Variants in EFHC1 observed in about 807,000 individuals in gnomAD.
EFHC1 encodes EF-hand domain-containing protein 1.
In EFHC1, 53 loss-of-function variants were observed where a neutral mutation model predicts 69.9. That is an observed-to-expected ratio of 0.76 (90% CI 0.61 to 0.95). EFHC1 has a LOEUF of 0.95. Ranked by LOEUF, EFHC1 falls within the 40% of genes least tolerant of loss-of-function variation. EFHC1 has a pLI of 0.00. For synonymous variants in EFHC1, 256 were observed against 278.4 expected (o/e 0.92, Z 0.80); for missense variants, 739 against 798.7 (o/e 0.93, Z 0.90).
intron 6 of EFHC1, among the ~76,000 whole-genome samples, chr6:52,466,824 G>C (rs1225420488): frequency 6.6e-6 from 1 of 152,184 alleles, no homozygotes; most frequent in East Asian, 1.9e-4. Context: ...TGAGTTCCCA[G>C]AGGCAATACA....
At position 52,497,097 on chromosome 6, in the gene EFHC1, C is replaced by T. The variant is rs921912105; in HGVS notation, c.*4756C>T. On this transcript the variant is annotated 3_prime_UTR_variant, in exon 11 of 11. Transcript: ENST00000371068. ...GGCATCAAGGATGATGTGCTTGTTT[C>T]TGGAGCTTCCTACCCACAAACCCCA... 2 of 152,078 alleles carry T rather than the reference C, an allele frequency of 1.3e-5. No individual in the cohort carries two copies. Among genetic ancestry groups the T allele is most frequent in the Non-Finnish European group, 1.5e-5 (1 of 68,016 alleles). 9.4% of individuals were successfully genotyped at this position (152,078 alleles called of 1,614,324 possible).
intron 4 of EFHC1, 123 bp from the exon 5 acceptor site, chr6:52,453,972 A>T: frequency 6.4e-7 from 1 of 1,568,686 alleles, no homozygotes; most frequent in Admixed American, 1.8e-5. Flanking sequence ...AATTTACCCC[A>T]TCTGAAATTA....
rs1481359711 is a variant in EFHC1 at position 52,495,679 on chromosome 6, C to G, written c.*3338C>G. On this transcript the variant is annotated 3_prime_UTR_variant, in exon 11 of 11. Coordinates refer to ENST00000371068, the MANE Select transcript of EFHC1 (RefSeq NM_018100.4). ...CCATAGCTCACTGCAGCCTCAAACT[C>G]CTGGGCTCATGCAATCCTCCTGCCT... 9.2e-6 allele frequency: 4 copies of G among 437,132 alleles called. No homozygotes were observed. Among genetic ancestry groups the G allele is most frequent in the Non-Finnish European group, 1.8e-5 (4 of 217,380 alleles). 27.1% of individuals were successfully genotyped at this position (437,132 alleles called of 1,614,324 possible). A position where few individuals can be genotyped will look rare whatever the true frequency, so the allele number is the denominator to read the frequency against.
At chr6:52,436,559 A>T (rs1764537009) in intron 2 of EFHC1, among the ~76,000 whole-genome samples, 1 of 152,378 alleles carries the variant, frequency 6.6e-6, no homozygotes, top group South Asian at 2.1e-4. Flanking sequence ...GAAAAGACAC[A>T]TTAAAAACAG....
intron 7 of EFHC1, among the ~76,000 whole-genome samples, chr6:52,470,346 CA>C (rs1313247318): frequency 6.6e-6 from 1 of 152,070 alleles, no homozygotes; most frequent in Non-Finnish European, 1.5e-5. Flanking sequence ...GAATTCTGAC[CA>C]ATAAAGGTTT....
chr6:52,470,263 C>T (rs1308653748), intron 7 of EFHC1, among the ~76,000 whole-genome samples: 1 of 152,078 alleles, frequency 6.6e-6, no homozygotes, highest in East Asian at 1.9e-4. Flanking sequence ...AAAGAGAGTT[C>T]TGGCTAAAAA....
At chr6:52,430,776 A>C (rs1479118033) in intron 2 of EFHC1, among the ~76,000 whole-genome samples, 1 of 151,936 alleles carries the variant, frequency 6.6e-6, no homozygotes, top group African/African-American at 2.4e-5. Context: ...TAGTGCCAAT[A>C]GTACCAGTTT....
chr6:52,420,579 C>T, intron 1 of EFHC1, 106 bp downstream of exon 1: 15 of 1,359,054 alleles, frequency 1.1e-5, no homozygotes, highest in Non-Finnish European at 1.6e-5. Context: ...TCTGTCTTCT[C>T]TCCAAACACG....
intron 10 of EFHC1, chr6:52,490,589 A>G: frequency 1.7e-6 from 1 of 601,502 alleles, no homozygotes; most frequent in Non-Finnish European, 2.9e-6. Context: ...CAGAGTGGTT[A>G]GTAGACCAAC....
chr6:52,464,875 C>G lies in EFHC1; in HGVS notation c.917-20C>G. 1 of 1,604,922 alleles carries G rather than the reference C, an allele frequency of 6.2e-7. No individual in the cohort carries two copies. Among genetic ancestry groups the G allele is most frequent in the East Asian group, 2.2e-5 (1 of 44,816 alleles). Reference sequence around the variant, plus strand: ...ACACTCATTCCTTCTTTTTTTCTCTCTAACACCATCTTATATTAGAGAACT... The same window carrying G: ...ACACTCATTCCTTCTTTTTTTCTCTGTAACACCATCTTATATTAGAGAACT... On this transcript the variant is annotated intron_variant, in intron 5 of 10. Coordinates refer to ENST00000371068, the MANE Select transcript of EFHC1 (RefSeq NM_018100.4).
chr6:52,474,347 G>T (rs944238812), intron 7 of EFHC1, among the ~76,000 whole-genome samples: 1 of 152,084 alleles, frequency 6.6e-6, no homozygotes, highest in Non-Finnish European at 1.5e-5. Context: ...GCTTAGCTTC[G>T]TTAGTAACTA....
intron 3 of EFHC1, among the ~76,000 whole-genome samples, chr6:52,448,070 G>T (rs1355907157): frequency 1.3e-5 from 2 of 152,240 alleles, no homozygotes; most frequent in African/African-American, 2.4e-5. Flanking sequence ...CAAACTTCGT[G>T]CTGGGAGAAC....
rs989759829 is a variant in EFHC1 at position 52,496,458 on chromosome 6, A to C, written c.*4117A>C. The C allele has an allele frequency of 6.6e-6, 1 of 152,166 alleles. No homozygotes were observed. Among genetic ancestry groups the C allele is most frequent in the Admixed American group, 6.5e-5 (1 of 15,278 alleles). The allele number at this position is 152,166 out of a possible 1,614,324, so 9.4% of individuals were successfully genotyped here. On this transcript the variant is annotated 3_prime_UTR_variant, in exon 11 of 11. Transcript: ENST00000371068. ...CATCCAATTAAGGTGTATCAAATCC[A>C]TATCTATAGGCTTTGAGGGTATTTG...
At chr6:52,443,149 G>C (rs934595121) in intron 3 of EFHC1, among the ~76,000 whole-genome samples, 3 of 152,108 alleles carry the variant, frequency 2.0e-5, no homozygotes, top group African/African-American at 7.2e-5. Flanking sequence ...ATTTTTTCTT[G>C]TAAATTTGTT....
intron 9 of EFHC1, chr6:52,485,948 CCTT>C (rs1274857831): frequency 6.6e-6 from 1 of 152,202 alleles, no homozygotes; most frequent in African/African-American, 2.4e-5. Flanking sequence ...TCACCCCCGC[CCTT>C]CTTCTCTTGT....
At chr6:52,463,303 T>C (rs984235898) in intron 5 of EFHC1, among the ~76,000 whole-genome samples, 2 of 151,766 alleles carry the variant, frequency 1.3e-5, no homozygotes, top group Non-Finnish European at 2.9e-5. Context: ...ATTATAGGCA[T>C]GAGCCACTGT....
At chr6:52,423,901 A>T (rs1487229426) in intron 1 of EFHC1, 45 bp from the exon 2 acceptor site, 6 of 1,612,372 alleles carry the variant, frequency 3.7e-6, no homozygotes, top group Middle Eastern at 1.7e-4. Flanking sequence ...TTACCTAACA[A>T]ATATTTGTCT....
At chr6:52,465,684 G>A (rs1371962601) in intron 6 of EFHC1, among the ~76,000 whole-genome samples, 1 of 151,580 alleles carries the variant, frequency 6.6e-6, no homozygotes, top group Non-Finnish European at 1.5e-5. Flanking sequence ...GTGCGCACCT[G>A]TAATCCCAGC....
chr6:52,472,505 C>T (rs867235612), intron 7 of EFHC1, among the ~76,000 whole-genome samples: 5 of 151,922 alleles, frequency 3.3e-5, no homozygotes, highest in African/African-American at 1.2e-4. Flanking sequence ...ACAAAGAAAA[C>T]ATAAAGTTAA....
Sources: gnomAD v4.1 joint callset for allele counts (sites outside exome capture counted in the v4.1 genomes callset) on GRCh38, gnomAD v4.1.1 for gene constraint, MANE v1.5 for transcripts, NCBI Gene and HGNC (gene_info 2026-07-23, HGNC 2026-07-21) for gene names.